Variants in PPFIA1 observed in about 807,000 individuals in gnomAD.
PPFIA1 encodes PPFI scaffold protein A1.
Under a neutral mutation model 149.9 loss-of-function variants are expected in PPFIA1, and 25 were observed. The observed-to-expected ratio is 0.17, with a 90% confidence interval of 0.12 to 0.23. The LOEUF (loss-of-function observed/expected upper bound fraction) is 0.23, where lower values mean the gene tolerates loss of function less well. Among genes scored for constraint, PPFIA1 ranks in the 10% least tolerant of loss-of-function variants. The pLI is 1.00. For synonymous variants in PPFIA1, 549 were observed against 552.8 expected (o/e 0.99, Z 0.10); for missense variants, 1,362 against 1,506.5 (o/e 0.90, Z 1.59).
At chr11:70,346,172 C>T (rs1372003003) in intron 15 of PPFIA1, among the ~76,000 whole-genome samples, 9 of 152,324 alleles carry the variant, frequency 5.9e-5, no homozygotes, top group East Asian at 1.9e-4. Flanking sequence ...GCTGGCTTGG[C>T]CTAGGGACAC....
At position 70,302,751 on chromosome 11, in the gene PPFIA1, G is replaced by A. The variant is rs1472492456; in HGVS notation, c.265-21651G>A. ...CAGGAATGTAAATGTAAATGTAGCC[G>A]TAGATACTCTCAACACCATTTTTTT... On this transcript the variant is annotated intron_variant, in intron 2 of 27. Coordinates refer to ENST00000253925, the MANE Select transcript of PPFIA1 (RefSeq NM_003626.5). Among the ~76,000 whole-genome samples the A allele has an allele frequency of 2.7e-5, 4 of 150,852 alleles. No individual in the cohort carries two copies. In the South Asian group the frequency reaches 6.3e-4, roughly 24 times the overall value.
intron 14 of PPFIA1, among the ~76,000 whole-genome samples, chr11:70,339,650 T>C (rs2055195197): frequency 6.7e-6 from 1 of 150,268 alleles, no homozygotes; most frequent in African/African-American, 2.5e-5. Flanking sequence ...TTCCTTTTAA[T>C]AGGAATTCTT....
Position 70,337,351 on chromosome 11 carries a change from C to CT in PPFIA1, c.1429-13dup. 6.4e-7 allele frequency: 1 copy of CT among 1,561,066 alleles called. No homozygotes were observed. Among genetic ancestry groups the CT allele is most frequent in the Non-Finnish European group, 8.7e-7 (1 of 1,143,592 alleles). ...TTTTAAAGAAACACTAAAGGACTAT[C>CT]TGTCTTTTTTCAGAACTCTCTTTTA... is the stretch of plus-strand genomic sequence containing the variant. On this transcript the variant is annotated splice_polypyrimidine_tract_variant and intron_variant, in intron 11 of 27. Transcript: ENST00000253925.
At position 70,282,819 on chromosome 11, in the gene PPFIA1, G is replaced by C. The variant is rs2050848881; in HGVS notation, c.264+10383G>C. Among the ~76,000 whole-genome samples the C allele has an allele frequency of 4.2e-5, 6 of 143,186 alleles. No individual in the cohort carries two copies. The South Asian group carries it at 1.3e-3, about 32-fold the overall frequency. The allele number at this position is 143,186 out of a possible 152,430, so 93.9% of individuals were successfully genotyped here. ...CAAAGTGCTGGGATTACAGGCGTGA[G>C]CCACCGTGCCTGGCTTTTTTTTTTT... On this transcript the variant is annotated intron_variant, in intron 2 of 27. Coordinates refer to ENST00000253925, the MANE Select transcript of PPFIA1 (RefSeq NM_003626.5).
chr11:70,378,066 A>G lies in PPFIA1; in HGVS notation c.3421A>G (p.Arg1141Gly), dbSNP rs2135454590. 6.2e-7 allele frequency: 1 copy of G among 1,613,928 alleles called. No homozygotes were observed. Among genetic ancestry groups the G allele is most frequent in the East Asian group, 2.2e-5 (1 of 44,888 alleles). ...AAGCTTTAGGAGAGCACCTTCATGG[A>G]GAAAAAAGTTTAGACCAAAGGACAT... ...DKSFRRAPSW[R>G]KKFRPKDIRG... The change falls in exon 26 of 28, where the codon AGA becomes GGA. Residue 1141 changes from arginine to glycine, a missense_variant. Coordinates refer to ENST00000253925, the MANE Select transcript of PPFIA1 (RefSeq NM_003626.5).
At chr11:70,279,271 G>A (rs534649856) in intron 2 of PPFIA1, 14 of 269,666 alleles carry the variant, frequency 5.2e-5, no homozygotes. Flanking sequence ...CCTTTCTGGA[G>A]TCCTTCCCAG....
At chr11:70,368,246 TTC>T in intron 21 of PPFIA1, among the ~76,000 whole-genome samples, 1 of 152,350 alleles carries the variant, frequency 6.6e-6, no homozygotes, top group Non-Finnish European at 1.5e-5. Context: ...TTTGGCATAT[TTC>T]TCTCTTTTTA....
chr11:70,275,012 A>G (rs2135999560), intron 2 of PPFIA1, among the ~76,000 whole-genome samples: 1 of 152,318 alleles, frequency 6.6e-6, no homozygotes, highest in East Asian at 1.9e-4. Flanking sequence ...GTTCAGCCTC[A>G]GTAGAGAGTG....
At chr11:70,281,968 G>A (rs1216240011) in intron 2 of PPFIA1, among the ~76,000 whole-genome samples, 1 of 152,082 alleles carries the variant, frequency 6.6e-6, no homozygotes, top group Non-Finnish European at 1.5e-5. Flanking sequence ...TGGAGACATT[G>A]GTTATCATTA....
intron 19 of PPFIA1, among the ~76,000 whole-genome samples, chr11:70,360,078 G>A (rs941924654): frequency 6.6e-5 from 10 of 152,346 alleles, no homozygotes; most frequent in East Asian, 1.9e-4. Flanking sequence ...GACACACACC[G>A]AGGCCTGGGC....
At chr11:70,328,308 C>A (rs1234672437) in intron 7 of PPFIA1, among the ~76,000 whole-genome samples, 1 of 152,126 alleles carries the variant, frequency 6.6e-6, no homozygotes, top group Non-Finnish European at 1.5e-5. Context: ...AGTTAGCTCC[C>A]ACTTATAAGT....
intron 2 of PPFIA1, among the ~76,000 whole-genome samples, chr11:70,274,761 C>T (rs536782754): frequency 4.4e-4 from 67 of 152,058 alleles, no homozygotes; most frequent in Non-Finnish European, 9.1e-4. Flanking sequence ...CTCTGTTGCC[C>T]AGGCTGGAGT....
intron 21 of PPFIA1, chr11:70,364,245 T>A (rs928126993): frequency 3.9e-5 from 6 of 152,318 alleles, no homozygotes; most frequent in Admixed American, 1.3e-4. Context: ...CTGCAAATGT[T>A]CATCCAACAT....
intron 2 of PPFIA1, among the ~76,000 whole-genome samples, chr11:70,317,187 C>T (rs970213466): frequency 4.0e-5 from 6 of 151,846 alleles, no homozygotes; most frequent in Admixed American, 6.6e-5. Context: ...AAAAAATGTA[C>T]ACTGACAATT....
At chr11:70,350,195 C>T (rs2055969658) in intron 16 of PPFIA1, among the ~76,000 whole-genome samples, 2 of 152,142 alleles carry the variant, frequency 1.3e-5, no homozygotes, top group South Asian at 4.1e-4. Flanking sequence ...ACAGGCAAGA[C>T]ATAGGTGTTT....
chr11:70,374,665 A>G (rs1406302834), intron 23 of PPFIA1: 2 of 410,956 alleles, frequency 4.9e-6, no homozygotes, highest in African/African-American at 4.2e-5. Context: ...TCTAGAAATA[A>G]TAACTTCATT....
chr11:70,306,914 A>G (rs1032854893), intron 2 of PPFIA1, among the ~76,000 whole-genome samples: 2 of 152,244 alleles, frequency 1.3e-5, no homozygotes, highest in African/African-American at 2.4e-5. Context: ...TCCCTGGGTC[A>G]TGACAGACTC....
At chr11:70,338,347 T>C (rs1270671577) in intron 12 of PPFIA1, 27 bp from the exon 13 acceptor site, 4 of 1,556,580 alleles carry the variant, frequency 2.6e-6, no homozygotes, top group Non-Finnish European at 3.5e-6. Flanking sequence ...GAGATAGCAG[T>C]AATGTAAGTC....
chr11:70,323,891 A>G (rs1222916145), intron 2 of PPFIA1, among the ~76,000 whole-genome samples: 1 of 152,124 alleles, frequency 6.6e-6, no homozygotes, highest in East Asian at 1.9e-4. Context: ...TGAGCTCTGG[A>G]GGTCAAAACT....
Sources: gnomAD v4.1 joint callset for allele counts (sites outside exome capture counted in the v4.1 genomes callset) on GRCh38, gnomAD v4.1.1 for gene constraint, MANE v1.5 for transcripts, NCBI Gene and HGNC (gene_info 2026-07-23, HGNC 2026-07-21) for gene names.